TAFA2: variants seen among roughly 807,000 people sequenced by gnomAD.
The protein encoded by TAFA2 is chemokine-like protein TAFA-2.
TAFA2 carries 7 observed loss-of-function variants against 18.8 expected under a neutral mutation model. The observed-to-expected ratio is 0.37, with a 90% CI of 0.21 to 0.70. TAFA2 has a LOEUF of 0.70. TAFA2 is among the 30% of genes least tolerant of loss of function. The pLI, the probability that TAFA2 is intolerant of heterozygous loss-of-function variation, is 0.53. For missense variants in TAFA2, 122 were observed against 158.1 expected (o/e 0.77, Z 1.23); for synonymous variants, 60 against 54.2 (o/e 1.11, Z -0.47).
intron 1 of TAFA2, among the ~76,000 whole-genome samples, chr12:61,968,060 G>C (rs1879127435): frequency 6.6e-6 from 1 of 151,766 alleles, no homozygotes; most frequent in East Asian, 1.9e-4. Flanking sequence ...TTTACAAACT[G>C]GTTGAAAACA....
At chr12:61,943,285 A>G (rs528683505) in intron 1 of TAFA2, among the ~76,000 whole-genome samples, 1 of 147,824 alleles carries the variant, frequency 6.8e-6, no homozygotes, top group Non-Finnish European at 1.5e-5. Flanking sequence ...GCCTGCCCTA[A>G]AAGAGCTCCT....
chr12:61,904,814 G>C (rs935151288), intron 1 of TAFA2, among the ~76,000 whole-genome samples: 1 of 152,108 alleles, frequency 6.6e-6, no homozygotes, highest in African/African-American at 2.4e-5. Context: ...TAAAATGAAT[G>C]ATACTAAAAA....
At chr12:62,224,589 A>G (rs1411690167) in intron 1 of TAFA2, among the ~76,000 whole-genome samples, 1 of 152,202 alleles carries the variant, frequency 6.6e-6, no homozygotes. Context: ...CACATTGAGC[A>G]TTAAAACTTA....
chr12:62,168,574 C>T (rs1321322404), intron 1 of TAFA2, among the ~76,000 whole-genome samples: 1 of 152,168 alleles, frequency 6.6e-6, no homozygotes, highest in Non-Finnish European at 1.5e-5. Flanking sequence ...ATGACTCATG[C>T]TTACAATCCC....
In TAFA2 at chr12:61,877,918, T is replaced by TACAC. The variant is rs796244007; in HGVS notation, c.-1-10493_-1-10492insGTGT. Among the ~76,000 whole-genome samples, 725 of 78,498 alleles carry TACAC rather than the reference T, an allele frequency of 9.2e-3. 5 individuals are homozygous for TACAC. The highest frequency in any genetic ancestry group is 0.034 in the Middle Eastern group (4 of 116). The allele number at this position is 78,498 out of a possible 152,430, so 51.5% of individuals were successfully genotyped here. A position where few individuals can be genotyped will look rare whatever the true frequency, so the allele number is the denominator to read the frequency against. ...ATTGTGATTTTTATATATATATATATATATATACACACACACACACACATA... is the reference window on the plus strand; with the variant it reads ...ATTGTGATTTTTATATATATATATATACACATATATACACACACACACACACATA... On this transcript the variant is annotated intron_variant, in intron 1 of 4. Coordinates refer to ENST00000416284, the MANE Select transcript of TAFA2 (RefSeq NM_178539.5).
intron 2 of TAFA2, among the ~76,000 whole-genome samples, chr12:61,840,013 G>C (rs1274881668): frequency 6.6e-6 from 1 of 152,090 alleles, no homozygotes; most frequent in Non-Finnish European, 1.5e-5. Context: ...GGAGCCACGA[G>C]AGTGTACGGA....
At chr12:61,997,837 G>C (rs555061245) in intron 1 of TAFA2, among the ~76,000 whole-genome samples, 1 of 151,790 alleles carries the variant, frequency 6.6e-6, no homozygotes, top group Non-Finnish European at 1.5e-5. Context: ...TTCACAAAAA[G>C]CTGTTCATAT....
At chr12:62,145,158 T>A (rs2062271375) in intron 1 of TAFA2, among the ~76,000 whole-genome samples, 1 of 152,184 alleles carries the variant, frequency 6.6e-6, no homozygotes, top group East Asian at 1.9e-4. Context: ...CTTTCCCCCA[T>A]CACTGTTTAG....
At chr12:61,718,877 AC>A (rs1869772879) in intron 4 of TAFA2, among the ~76,000 whole-genome samples, 1 of 152,208 alleles carries the variant, frequency 6.6e-6, no homozygotes, top group African/African-American at 2.4e-5. Flanking sequence ...TAAAAATTGT[AC>A]TTTAAAAAAT....
chr12:61,988,500 C>G (rs1179684433), intron 1 of TAFA2, among the ~76,000 whole-genome samples: 4 of 152,170 alleles, frequency 2.6e-5, no homozygotes. Context: ...TCAAATGATA[C>G]TTCCTTTGGA....
At chr12:62,043,892 A>G (rs1881836836) in intron 1 of TAFA2, among the ~76,000 whole-genome samples, 1 of 152,190 alleles carries the variant, frequency 6.6e-6, no homozygotes, top group South Asian at 2.1e-4. Context: ...ATTAACAATT[A>G]TGATAACTAC....
intron 1 of TAFA2, among the ~76,000 whole-genome samples, chr12:62,128,308 G>A (rs1870545358): frequency 6.6e-6 from 1 of 151,984 alleles, no homozygotes; most frequent in Admixed American, 6.6e-5. Context: ...GCTTGTTATT[G>A]TTAACTGTGA....
At chr12:61,771,553 A>C (rs1308970161) in intron 2 of TAFA2, among the ~76,000 whole-genome samples, 1 of 152,098 alleles carries the variant, frequency 6.6e-6, no homozygotes, top group Non-Finnish European at 1.5e-5. Flanking sequence ...AGTGAAATAA[A>C]ACTGGAAAGC....
chr12:61,920,387 G>A (rs1416253253), intron 1 of TAFA2, among the ~76,000 whole-genome samples: 1 of 152,092 alleles, frequency 6.6e-6, no homozygotes, highest in Non-Finnish European at 1.5e-5. Flanking sequence ...TCCTCTCCCA[G>A]GGAAGTTTTA....
At chr12:62,168,614 C>T (rs76565835) in intron 1 of TAFA2, among the ~76,000 whole-genome samples, 7,541 of 152,214 alleles carry the variant, frequency 0.05, 269 homozygotes, top group Non-Finnish European at 0.075. Flanking sequence ...GCAGAAGGAT[C>T]TCTTAAGCCC....
At chr12:62,226,589 A>G (rs185673943) in intron 1 of TAFA2, among the ~76,000 whole-genome samples, 2 of 152,232 alleles carry the variant, frequency 1.3e-5, no homozygotes, top group Admixed American at 1.3e-4. Context: ...ACTGATACCT[A>G]TCTTGAGGCT....
chr12:62,210,278 A>C (rs111414755), intron 1 of TAFA2, among the ~76,000 whole-genome samples: 7,131 of 152,062 alleles, frequency 0.047, 202 homozygotes, highest in African/African-American at 0.057. Flanking sequence ...AAGAATTCTT[A>C]TTTTCTAGTT....
In TAFA2 at chr12:61,887,091, C is replaced by G. The variant is rs367719592; in HGVS notation, c.-1-19665G>C. ...TGCTCAACTAATAGATGTGGATTAA[C>G]TAGGCAGGCTGCCATATCTAAAAAA... On this transcript the variant is annotated intron_variant, in intron 1 of 4. Coordinates refer to ENST00000416284, the MANE Select transcript of TAFA2 (RefSeq NM_178539.5). Among the ~76,000 whole-genome samples the G allele has an allele frequency of 1.5e-3, 231 of 152,340 alleles. 1 individual carries two copies. The highest frequency in any genetic ancestry group is 5.4e-3 in the African/African-American group (225 of 41,594).
intron 1 of TAFA2, among the ~76,000 whole-genome samples, chr12:62,014,399 C>T (rs570788959): frequency 1.1e-4 from 17 of 152,214 alleles, no homozygotes; most frequent in African/African-American, 3.6e-4. Context: ...GAGGCCAAGG[C>T]GGGCGAATCG....
Sources: allele counts gnomAD v4.1 joint callset (sites outside exome capture counted in the v4.1 genomes callset), GRCh38; gene constraint gnomAD v4.1.1; transcripts MANE v1.5; gene names NCBI Gene and HGNC (gene_info 2026-07-23, HGNC 2026-07-21).